GAB1: variants seen among roughly 807,000 people sequenced by gnomAD.
GAB1 encodes GRB2-associated-binding protein 1.
In GAB1, 19 loss-of-function variants were observed where a neutral mutation model predicts 66.5. The observed-to-expected ratio is 0.29, with a 90% CI of 0.20 to 0.42. The LOEUF (loss-of-function observed/expected upper bound fraction) is 0.42, where lower values mean the gene tolerates loss of function less well. Ranked by LOEUF, GAB1 falls within the 10% of genes least tolerant of loss-of-function variation. The pLI is 1.00. For missense variants in GAB1, 732 were observed against 858.5 expected, an observed-to-expected ratio of 0.85 and a Z score of 1.84; for synonymous variants, 294 against 301.4, an observed-to-expected ratio of 0.98 and a Z score of 0.25.
chr4:143,337,323 C>T, intron 1 of GAB1, 63 bp downstream of exon 1: 1 of 1,429,108 alleles, frequency 7.0e-7, no homozygotes, highest in Non-Finnish European at 9.6e-7. Flanking sequence ...CCAGTCGGCT[C>T]GCCGGCGGCT....
In GAB1 at chr4:143,469,033, A is replaced by G. The variant is rs376407381; in HGVS notation, c.1929A>G (p.Gln643=). Residue 643 remains glutamine, a splice_region_variant and synonymous_variant, in exon 10 of 10, where the codon CAA becomes CAG. Transcript: ENST00000262994. ...DSGKSTPPRK[Q]KSSGSGSSVA... is the part of the protein sequence containing the mutation. ...TTTGTTTTTTCTTTGTGTTTTAGCA[A>G]AAGAGCAGTGGCTCAGGCAGCAGTG... 506 of 1,613,472 alleles carry G rather than the reference A, an allele frequency of 3.1e-4. 3 individuals are homozygous for G. The South Asian group carries it at 5.1e-3, about 16-fold the overall frequency.
chr4:143,366,350 A>G (rs1267979311), intron 1 of GAB1, among the ~76,000 whole-genome samples: 1 of 152,190 alleles, frequency 6.6e-6, no homozygotes, highest in Non-Finnish European at 1.5e-5. Context: ...ATTTGTTGTT[A>G]TTTATAAAAA....
At chr4:143,449,040 G>A (rs1370416138) in intron 6 of GAB1, among the ~76,000 whole-genome samples, 19 of 151,586 alleles carry the variant, frequency 1.3e-4, no homozygotes, top group African/African-American at 3.4e-4. Context: ...CCTTCATTTC[G>A]TTATGTACCC....
intron 1 of GAB1, among the ~76,000 whole-genome samples, chr4:143,387,859 A>G (rs1350262665): frequency 1.3e-5 from 2 of 152,096 alleles, no homozygotes; most frequent in Non-Finnish European, 2.9e-5. Context: ...CTTCCTTCAC[A>G]GTCTTACACA....
intron 1 of GAB1, among the ~76,000 whole-genome samples, chr4:143,412,099 A>G (rs1396270722): frequency 2.0e-5 from 3 of 152,086 alleles, no homozygotes; most frequent in South Asian, 4.2e-4. Context: ...TCATTTCTTG[A>G]TTATTTATTT....
chr4:143,410,047 A>G (rs1423442214), intron 1 of GAB1, among the ~76,000 whole-genome samples: 1 of 151,032 alleles, frequency 6.6e-6, no homozygotes, highest in Non-Finnish European at 1.5e-5. Context: ...TGAAACCCCA[A>G]GCTTTTTTTT....
chr4:143,458,028 G>T (rs1320828988), intron 6 of GAB1, among the ~76,000 whole-genome samples: 1 of 151,860 alleles, frequency 6.6e-6, no homozygotes. Context: ...TTTTAACTTT[G>T]TAGACAACAT....
chr4:143,393,107 A>G (rs1352308463), intron 1 of GAB1, among the ~76,000 whole-genome samples: 2 of 152,052 alleles, frequency 1.3e-5, no homozygotes, highest in African/African-American at 4.8e-5. Flanking sequence ...GAATTTGTCT[A>G]GATGAAAAAT....
intron 1 of GAB1, among the ~76,000 whole-genome samples, chr4:143,398,899 G>GA (rs918730873): frequency 4.0e-5 from 6 of 150,378 alleles, no homozygotes; most frequent in East Asian, 2.0e-4. Flanking sequence ...ATCTTTACAA[G>GA]AAAAAAAAAG....
chr4:143,436,003 G>T (rs962817244), intron 3 of GAB1, among the ~76,000 whole-genome samples: 21 of 152,162 alleles, frequency 1.4e-4, no homozygotes, highest in Non-Finnish European at 2.9e-4. Context: ...TCAGAGCAAG[G>T]AGCTTTACTT....
At position 143,337,108 on chromosome 4, in the gene GAB1, G is replaced by C. The variant is rs879894314; in HGVS notation, c.-81G>C. The C allele has an allele frequency of 1.9e-5, 25 of 1,289,866 alleles. No homozygotes were observed. The highest frequency in any genetic ancestry group is 2.6e-5 in the Non-Finnish European group (24 of 924,808). 79.9% of individuals were successfully genotyped at this position (1,289,866 alleles called of 1,614,324 possible). A position where few individuals can be genotyped will look rare whatever the true frequency, so the allele number is the denominator to read the frequency against. Reference sequence around the variant, plus strand: ...AGGAGAGCTAGGTTCTCGCCACTGCGCGCTCGGCAGGCGTCGGCTGTGTCG... The same window carrying C: ...AGGAGAGCTAGGTTCTCGCCACTGCCCGCTCGGCAGGCGTCGGCTGTGTCG... On this transcript the variant is annotated 5_prime_UTR_variant, in exon 1 of 10. Coordinates refer to ENST00000262994, the MANE Select transcript of GAB1 (RefSeq NM_002039.4).
intron 8 of GAB1, 57 bp from the exon 9 acceptor site, chr4:143,466,046 A>G (rs1735761994): frequency 8.8e-6 from 14 of 1,597,372 alleles, no homozygotes; most frequent in Non-Finnish European, 1.2e-5. Flanking sequence ...GTTCAACAGT[A>G]CGAGTGGTAT....
At chr4:143,423,310 G>C (rs1325399067) in intron 2 of GAB1, among the ~76,000 whole-genome samples, 1 of 152,150 alleles carries the variant, frequency 6.6e-6, no homozygotes, top group African/African-American at 2.4e-5. Context: ...GTTTGGAGTG[G>C]TTGGGGTTTC....
At chr4:143,410,999 G>A (rs532132175) in intron 1 of GAB1, among the ~76,000 whole-genome samples, 11 of 152,294 alleles carry the variant, frequency 7.2e-5, no homozygotes, top group African/African-American at 2.4e-4. Context: ...ATGGTGCCCC[G>A]AAGAGGGCTG....
chr4:143,448,779 C>G (rs1409700118), intron 6 of GAB1, among the ~76,000 whole-genome samples: 1 of 151,340 alleles, frequency 6.6e-6, no homozygotes, highest in Non-Finnish European at 1.5e-5. Flanking sequence ...TTTTTTGTGT[C>G]TCTATTTCCT....
chr4:143,384,528 G>C (rs937311360), intron 1 of GAB1, among the ~76,000 whole-genome samples: 1 of 152,180 alleles, frequency 6.6e-6, no homozygotes, highest in African/African-American at 2.4e-5. Flanking sequence ...GGCTGTGGCC[G>C]TCAGGGAAAT....
intron 1 of GAB1, among the ~76,000 whole-genome samples, chr4:143,344,488 C>T (rs1427146206): frequency 6.6e-6 from 1 of 152,234 alleles, no homozygotes; most frequent in African/African-American, 2.4e-5. Flanking sequence ...TATCAAGTCA[C>T]AGTTCTCTTT....
At chr4:143,367,724 T>TTTG (rs1553945125) in intron 1 of GAB1, among the ~76,000 whole-genome samples, 8 of 143,654 alleles carry the variant, frequency 5.6e-5, no homozygotes, top group African/African-American at 2.1e-4. Flanking sequence ...TGAGGGTTTT[T>TTTG]TTTTTTTTTT....
intron 1 of GAB1, chr4:143,391,363 T>G (rs188653117): frequency 7.7e-4 from 116 of 151,610 alleles, no homozygotes; most frequent in Non-Finnish European, 1.2e-3. Context: ...AAAGAAAGAG[T>G]GGACAAAAAG....
Sources: allele counts gnomAD v4.1 joint callset (sites outside exome capture counted in the v4.1 genomes callset), GRCh38; gene constraint gnomAD v4.1.1; transcripts MANE v1.5; gene names NCBI Gene and HGNC (gene_info 2026-07-23, HGNC 2026-07-21).